Variants in FAT1 observed in about 807,000 individuals in gnomAD.
The protein encoded by FAT1 is protocadherin Fat 1.
FAT1 carries 171 observed loss-of-function variants against 329.8 expected under a neutral mutation model. The ratio of observed to expected loss-of-function variants is 0.52; its 90% confidence interval spans 0.46 to 0.59. FAT1 has a LOEUF of 0.59. FAT1 is among the 20% of genes least tolerant of loss of function. FAT1 has a pLI of 0.00. For synonymous variants in FAT1, 2,233 were observed against 2,228.6 expected (o/e 1.00, Z -0.06); for missense variants, 5,672 against 5,774.4 (o/e 0.98, Z 0.57).
At chr4:186,718,591 C>G (rs937202082) in intron 1 of FAT1, among the ~76,000 whole-genome samples, 1 of 152,128 alleles carries the variant, frequency 6.6e-6, no homozygotes, top group Non-Finnish European at 1.5e-5. Flanking sequence ...CGCTTGAACC[C>G]GGGAGGCGGA....
intron 2 of FAT1, among the ~76,000 whole-genome samples, chr4:186,671,952 GA>G (rs1230967740): frequency 1.3e-5 from 2 of 152,108 alleles, no homozygotes; most frequent in African/African-American, 2.4e-5. Flanking sequence ...AGGCATTTAA[GA>G]TTCTAAAATG....
At chr4:186,692,514 G>A (rs930444337) in intron 2 of FAT1, among the ~76,000 whole-genome samples, 23 of 151,858 alleles carry the variant, frequency 1.5e-4, no homozygotes, top group East Asian at 1.9e-4. Flanking sequence ...GGGTTTCACC[G>A]TGTTAGCCAG....
At chr4:186,718,861 G>A (rs972704378) in intron 1 of FAT1, among the ~76,000 whole-genome samples, 2 of 151,792 alleles carry the variant, frequency 1.3e-5, no homozygotes, top group African/African-American at 2.4e-5. Context: ...GTCCACCCTG[G>A]CAGAACAGCC....
intron 26 of FAT1, among the ~76,000 whole-genome samples, chr4:186,595,304 TG>T (rs1738446576): frequency 1.3e-5 from 2 of 151,716 alleles, no homozygotes; most frequent in African/African-American, 2.4e-5. Flanking sequence ...GGGGTGTGTG[TG>T]TGTGTGTGTG....
intron 1 of FAT1, among the ~76,000 whole-genome samples, chr4:186,716,567 A>G (rs2126717246): frequency 6.6e-6 from 1 of 152,068 alleles, no homozygotes; most frequent in Non-Finnish European, 1.5e-5. Flanking sequence ...ACCTGGGCGT[A>G]CCACCATGCC....
intron 8 of FAT1, 49 bp from the exon 9 acceptor site, chr4:186,628,413 CTAAT>C (rs1225767941): frequency 2.5e-6 from 4 of 1,609,408 alleles, no homozygotes; most frequent in Non-Finnish European, 3.4e-6. Context: ...TTCCTTATAA[CTAAT>C]TAAAAATCAC....
At position 186,620,426 on chromosome 4, in the gene FAT1, T is replaced by C; in HGVS notation, c.6160A>G (p.Thr2054Ala). 1 of 1,614,044 alleles carries C rather than the reference T, an allele frequency of 6.2e-7. No individual in the cohort carries two copies. The highest frequency in any genetic ancestry group is 1.3e-5 in the African/African-American group (1 of 75,054). ...QEAFDVVVEV[T>A]EEHKPSAVAH... is the part of the protein sequence containing the mutation. ...ACTGCAGAAGGCTTATGTTCCTCTG[T>C]CACTTCTACAACCACATCAAACGCC... Residue 2054 changes from threonine to alanine, a missense_variant, in exon 10 of 27, where the codon ACA (threonine) becomes GCA (alanine). By Grantham distance (58) the Thr-to-Ala change is moderately conservative. Coordinates refer to ENST00000441802, the MANE Select transcript of FAT1 (RefSeq NM_005245.4).
At chr4:186,698,135 T>C (rs1744125235) in intron 2 of FAT1, among the ~76,000 whole-genome samples, 1 of 152,206 alleles carries the variant, frequency 6.6e-6, no homozygotes, top group Non-Finnish European at 1.5e-5. Flanking sequence ...GAGGGCTACT[T>C]ACTGCTCTAT....
At chr4:186,595,900 C>A (rs1738485712) in intron 25 of FAT1, 74 bp from the exon 26 acceptor site, 1 of 1,466,808 alleles carries the variant, frequency 6.8e-7, no homozygotes, top group Non-Finnish European at 9.4e-7. Context: ...CTGAGACACA[C>A]CATGCATTAC....
At chr4:186,705,317 G>A (rs948091691) in intron 2 of FAT1, among the ~76,000 whole-genome samples, 1 of 151,960 alleles carries the variant, frequency 6.6e-6, no homozygotes, top group Non-Finnish European at 1.5e-5. Flanking sequence ...TGGATCCCAG[G>A]GTGGGTGTTG....
chr4:186,605,309 AG>A (rs58993646), intron 17 of FAT1, among the ~76,000 whole-genome samples: 36,616 of 116,996 alleles, frequency 0.31, 6,105 homozygotes, highest in East Asian at 0.49. Context: ...AAAAGTGAGA[AG>A]GGGGAGGAGG....
chr4:186,602,852 A>T, intron 20 of FAT1, 51 bp downstream of exon 20: 1 of 1,564,660 alleles, frequency 6.4e-7, no homozygotes, highest in Non-Finnish European at 8.7e-7. Context: ...GGTAAGAAAC[A>T]ATGAAACCGA....
Position 186,601,426 on chromosome 4 carries a change from C to T in FAT1, c.11483G>A (p.Gly3828Glu). ...CPSGRFGQCP[G>E]SSSMTLTGNS... ...TCCAGTCAGTGTCATAGATGAACTC[C>T]CTGTGAATCACACAGAGGAAAAAAT... Residue 3828 changes from glycine to glutamate, a missense_variant and splice_region_variant, in exon 21 of 27, where the codon GGG (glycine) becomes GAG (glutamate). This residue lies in a region of FAT1 where 1,706 missense variants were observed against 1,859.1 expected (regional missense o/e 0.92). Transcript: ENST00000441802. The T allele has an allele frequency of 2.5e-6, 4 of 1,606,900 alleles. No homozygotes were observed. Among genetic ancestry groups the T allele is most frequent in the South Asian group, 2.2e-5 (2 of 90,760 alleles).
rs1739600255 is a variant in FAT1, at chr4:186,614,259, G to A, written c.9161C>T (p.Ser3054Phe). ...TAACGTGTAAGTAATTTCAGCGTTAGAGCGGATGTCTGCGTCTGTAGCAGA... is the reference window on the plus strand; with the variant it reads ...TAACGTGTAAGTAATTTCAGCGTTAAAGCGGATGTCTGCGTCTGTAGCAGA... ...QISATDADIR[S>F]NAEITYTLLG... The change falls in exon 12 of 27, where the codon TCT becomes TTT. Residue 3054 changes from serine to phenylalanine, a missense_variant. Coordinates refer to ENST00000441802, the MANE Select transcript of FAT1 (RefSeq NM_005245.4). 1 of 1,603,660 alleles carries A rather than the reference G, an allele frequency of 6.2e-7. No homozygotes were observed. Among genetic ancestry groups the A allele is most frequent in the African/African-American group, 1.3e-5 (1 of 74,382 alleles).
In FAT1 at chr4:186,613,391, C is replaced by T. The variant is rs1296815003; in HGVS notation, c.9230-49G>A. 7 of 1,342,426 alleles carry T rather than the reference C, an allele frequency of 5.2e-6. No individual in the cohort carries two copies. In the Admixed American group the frequency reaches 1.2e-4, roughly 23 times the overall value. The allele number at this position is 1,342,426 out of a possible 1,614,324, so 83.2% of individuals were successfully genotyped here. A position where few individuals can be genotyped will look rare whatever the true frequency, so the allele number is the denominator to read the frequency against. On this transcript the variant is annotated intron_variant, in intron 12 of 26. Transcript: ENST00000441802. ...CACTTGTAATTTAAGACGTGACTTG[C>T]AGTTGTACATCTTATTTCCTCCCCT...
In FAT1 at chr4:186,709,697, T is replaced by G. The variant is rs775433630; in HGVS notation, c.131A>C (p.Gln44Pro). 1 of 1,614,032 alleles carries G rather than the reference T, an allele frequency of 6.2e-7. No individual in the cohort carries two copies. Among genetic ancestry groups the G allele is most frequent in the Non-Finnish European group, 8.5e-7 (1 of 1,179,896 alleles). ...ATAAGTCTTAGCTGCAGAGTTCTCCTGCACGGTGACGTTGTACTCGAGGTG... is the reference window on the plus strand; with the variant it reads ...ATAAGTCTTAGCTGCAGAGTTCTCCGGCACGGTGACGTTGTACTCGAGGTG... ...FTHLEYNVTV[Q>P]ENSAAKTYVG... is the part of the protein sequence containing the mutation. Residue 44 changes from glutamine to proline, a missense_variant, in exon 2 of 27, where the codon CAG becomes CCG. Transcript: ENST00000441802.
At position 186,628,380 on chromosome 4, in the gene FAT1, A is replaced by G. The variant is rs2126543474; in HGVS notation, c.4600-16T>C. 2 of 1,611,158 alleles carry G rather than the reference A, an allele frequency of 1.2e-6. No individual in the cohort carries two copies. Among genetic ancestry groups the G allele is most frequent in the Non-Finnish European group, 1.7e-6 (2 of 1,178,126 alleles). ...GATCTCGTACCTAAAAAGAATTGAC[A>G]CATTATCAATCCCATTGGTGCTTTC... On this transcript the variant is annotated splice_polypyrimidine_tract_variant and intron_variant, in intron 8 of 26. Coordinates refer to ENST00000441802, the MANE Select transcript of FAT1 (RefSeq NM_005245.4).
intron 3 of FAT1, among the ~76,000 whole-genome samples, 184 bp downstream of exon 3, chr4:186,663,115 C>G (rs546379671): frequency 7.1e-4 from 108 of 152,284 alleles, no homozygotes; most frequent in African/African-American, 2.6e-3. Context: ...GGATTACAGG[C>G]GTGAGCCACT....
At chr4:186,664,834 G>C (rs1742354377) in intron 2 of FAT1, among the ~76,000 whole-genome samples, 1 of 152,120 alleles carries the variant, frequency 6.6e-6, no homozygotes. Flanking sequence ...TGAAGCTCTA[G>C]AATCACTGAA....
Sources: allele counts gnomAD v4.1 joint callset (sites outside exome capture counted in the v4.1 genomes callset), GRCh38; gene constraint gnomAD v4.1.1; regional missense constraint gnomAD v4.1.1; transcripts MANE v1.5; gene names NCBI Gene and HGNC (gene_info 2026-07-23, HGNC 2026-07-21).